Variants in SPTBN1 observed in about 807,000 individuals in gnomAD.
SPTBN1 encodes spectrin beta chain, non-erythrocytic 1.
Under a neutral mutation model 266.4 loss-of-function variants are expected in SPTBN1, and 32 were observed. The ratio of observed to expected loss-of-function variants is 0.12; its 90% CI spans 0.09 to 0.16. The LOEUF is 0.16. Ranked by LOEUF, SPTBN1 falls within the 10% of genes least tolerant of loss-of-function variation. The pLI is 1.00. For missense variants in SPTBN1, 2,296 were observed against 3,067.1 expected (o/e 0.75, Z 5.94); for synonymous variants, 1,336 against 1,162.2 (o/e 1.15, Z -3.04).
At chr2:54,612,840 T>A (rs1320518919) in intron 4 of SPTBN1, among the ~76,000 whole-genome samples, 1 of 152,180 alleles carries the variant, frequency 6.6e-6, no homozygotes, top group Admixed American at 6.5e-5. Flanking sequence ...GAGGAAGCAG[T>A]TTGCAGGAGG....
At chr2:54,648,752 A>T (rs2104092705) in intron 24 of SPTBN1, among the ~76,000 whole-genome samples, 1 of 152,252 alleles carries the variant, frequency 6.6e-6, no homozygotes. Context: ...AATAGTAGGG[A>T]TAGGTGAATG....
intron 1 of SPTBN1, among the ~76,000 whole-genome samples, chr2:54,521,268 A>T (rs756471352): frequency 1.6e-4 from 25 of 152,132 alleles, no homozygotes; most frequent in Non-Finnish European, 3.2e-4. Flanking sequence ...CTTCACCCTC[A>T]CGTCACTCCC....
intron 2 of SPTBN1, among the ~76,000 whole-genome samples, chr2:54,550,602 GTGTT>G (rs1672513235): frequency 6.6e-6 from 1 of 152,228 alleles, no homozygotes; most frequent in African/African-American, 2.4e-5. Context: ...GGAACAGAGA[GTGTT>G]TGTGTGGAAG....
At chr2:54,599,305 G>A (rs776119490) in intron 3 of SPTBN1, 62 bp downstream of exon 3, 60 of 1,583,490 alleles carry the variant, frequency 3.8e-5, no homozygotes, top group Non-Finnish European at 5.1e-5. Context: ...GAAAAATCAA[G>A]TGTGACTTGT....
intron 2 of SPTBN1, among the ~76,000 whole-genome samples, chr2:54,597,637 C>T (rs377071052): frequency 6.6e-6 from 1 of 152,162 alleles, no homozygotes; most frequent in Admixed American, 6.5e-5. Flanking sequence ...AAACCTCAAC[C>T]AATGTCATCT....
intron 1 of SPTBN1, among the ~76,000 whole-genome samples, chr2:54,477,733 G>A (rs995440586): frequency 1.4e-4 from 21 of 152,232 alleles, no homozygotes; most frequent in Admixed American, 1.3e-4. Flanking sequence ...CTAATATGGT[G>A]AAACCCCGTC....
intron 2 of SPTBN1, among the ~76,000 whole-genome samples, chr2:54,592,370 C>A (rs551703829): frequency 2.2e-5 from 3 of 138,120 alleles, no homozygotes; most frequent in African/African-American, 9.4e-5. Context: ...ATATTTCATA[C>A]TTTTTTTTTT....
intron 3 of SPTBN1, among the ~76,000 whole-genome samples, chr2:54,599,482 G>A (rs1676331615): frequency 6.6e-6 from 1 of 152,188 alleles, no homozygotes; most frequent in Admixed American, 6.5e-5. Flanking sequence ...GCCACCTTTG[G>A]TCAGAAAGAA....
chr2:54,537,772 A>G (rs893683914), intron 2 of SPTBN1, among the ~76,000 whole-genome samples: 4 of 152,224 alleles, frequency 2.6e-5, no homozygotes, highest in Non-Finnish European at 5.9e-5. Flanking sequence ...CTTCTAGATG[A>G]CAGGAAACAT....
At chr2:54,568,525 G>T (rs994768136) in intron 2 of SPTBN1, among the ~76,000 whole-genome samples, 2 of 152,008 alleles carry the variant, frequency 1.3e-5, no homozygotes, top group Non-Finnish European at 2.9e-5. Flanking sequence ...GAGTATAATA[G>T]TTAATTAAAG....
intron 4 of SPTBN1, among the ~76,000 whole-genome samples, chr2:54,613,207 T>C (rs1420623627): frequency 1.3e-5 from 2 of 152,236 alleles, no homozygotes; most frequent in Non-Finnish European, 2.9e-5. Context: ...CTTTGTACCA[T>C]AGTGTCAGGT....
chr2:54,478,734 T>C (rs1162662727), intron 1 of SPTBN1, among the ~76,000 whole-genome samples: 3 of 152,234 alleles, frequency 2.0e-5, no homozygotes, highest in Admixed American at 6.5e-5. Flanking sequence ...TTTAAAATTA[T>C]ATAAATGAAG....
At chr2:54,549,158 G>A (rs1176673725) in intron 2 of SPTBN1, among the ~76,000 whole-genome samples, 3 of 152,018 alleles carry the variant, frequency 2.0e-5, no homozygotes, top group African/African-American at 4.8e-5. Flanking sequence ...GTGTGGTGGT[G>A]CGCGCCTGTA....
At chr2:54,520,005 G>A (rs527723855) in intron 1 of SPTBN1, among the ~76,000 whole-genome samples, 2 of 152,238 alleles carry the variant, frequency 1.3e-5, no homozygotes, top group African/African-American at 4.8e-5. Flanking sequence ...TTCGACAGGC[G>A]GAGTTAGTGA....
chr2:54,622,100 A>G (rs996634847), intron 8 of SPTBN1, among the ~76,000 whole-genome samples, 200 bp from the exon 9 acceptor site: 1 of 152,184 alleles, frequency 6.6e-6, no homozygotes, highest in Non-Finnish European at 1.5e-5. Context: ...CTCACAAATA[A>G]TAATCACAGT....
intron 1 of SPTBN1, among the ~76,000 whole-genome samples, chr2:54,520,623 T>G (rs2104286593): frequency 6.6e-6 from 1 of 152,026 alleles, no homozygotes; most frequent in South Asian, 2.1e-4. Context: ...ACATATTCCT[T>G]TTTATACATA....
At chr2:54,644,001 AATAATAATAAT>A (rs1679754687) in intron 19 of SPTBN1, among the ~76,000 whole-genome samples, 1 of 151,842 alleles carries the variant, frequency 6.6e-6, no homozygotes, top group South Asian at 2.1e-4. Context: ...TAATAATAAT[AATAATAATAAT>A]GTGTTGTATA....
chr2:54,480,771 G>A (rs760983857), intron 1 of SPTBN1, among the ~76,000 whole-genome samples: 1 of 152,176 alleles, frequency 6.6e-6, no homozygotes, highest in Non-Finnish European at 1.5e-5. Context: ...ACAGCAGCAG[G>A]GATTTACATT....
chr2:54,626,296 A>G lies in SPTBN1; in HGVS notation c.1644+62A>G, dbSNP rs1678322373. 2 of 1,534,956 alleles carry G rather than the reference A, an allele frequency of 1.3e-6. No homozygotes were observed. The highest frequency in any genetic ancestry group is 3.9e-5 in the Admixed American group (2 of 51,260). ...TCCAACCAGGGCTCTCTTTTCTGTG[A>G]CTCATTCACTAAACCCCTACGTACA... is the stretch of plus-strand genomic sequence containing the variant. On this transcript the variant is annotated intron_variant, in intron 12 of 35. Transcript: ENST00000356805. The surrounding 1 kb of genome is among the most constrained non-coding windows in gnomAD (Gnocchi z 4.7).
Sources: allele counts gnomAD v4.1 joint callset (sites outside exome capture counted in the v4.1 genomes callset), GRCh38; gene constraint gnomAD v4.1.1; non-coding constraint Gnocchi (gnomAD v3.1); transcripts MANE v1.5; gene names NCBI Gene and HGNC (gene_info 2026-07-23, HGNC 2026-07-21).